Variants in ZDHHC11B observed in about 807,000 individuals in gnomAD.
ZDHHC11B encodes the protein probable palmitoyltransferase ZDHHC11B.
A neutral mutation model predicts 42.3 loss-of-function variants in ZDHHC11B; 17 were observed. The ratio of observed to expected loss-of-function variants is 0.40; its 90% CI spans 0.27 to 0.60. ZDHHC11B has a LOEUF of 0.60. Ranked by LOEUF, ZDHHC11B falls within the 20% of genes least tolerant of loss-of-function variation. The pLI, the probability that ZDHHC11B is intolerant of heterozygous loss-of-function variation, is 0.41. For missense variants in ZDHHC11B, 262 were observed against 463.2 expected, an observed-to-expected ratio of 0.57 and a Z score of 3.99; for synonymous variants, 123 against 193.5, an observed-to-expected ratio of 0.64 and a Z score of 3.02.
In ZDHHC11B at chr5:784,706, A is replaced by C. The variant is rs1417742409; in HGVS notation, c.-268T>G. 2.0e-4 allele frequency among the ~76,000 whole-genome samples: 30 copies of C among 147,782 alleles called. No individual in the cohort carries two copies. The East Asian group carries it at 3.4e-3, about 17-fold the overall frequency. On this transcript the variant is annotated 5_prime_UTR_variant, in exon 1 of 14. Transcript: ENST00000508859. ...CAACTGCAGCGGAGGCTCCCCCGCG[A>C]CCCGGCCGCGCGCGACCAAGTGCTC...
chr5:740,190 G>C (rs1232861418), intron 10 of ZDHHC11B, among the ~76,000 whole-genome samples: 3 of 125,462 alleles, frequency 2.4e-5, no homozygotes, highest in Non-Finnish European at 5.5e-5. Context: ...CATTGCTCGG[G>C]TGGTGGGTGC....
intron 4 of ZDHHC11B, among the ~76,000 whole-genome samples, chr5:765,637 T>C (rs1735190019): frequency 1.3e-5 from 2 of 151,870 alleles, no homozygotes; most frequent in Non-Finnish European, 2.9e-5. Context: ...AGTTTTGTTC[T>C]TTTGCTCTTT....
chr5:765,892 C>T (rs1342484372), intron 4 of ZDHHC11B, among the ~76,000 whole-genome samples: 1 of 151,964 alleles, frequency 6.6e-6, no homozygotes, highest in Non-Finnish European at 1.5e-5. Context: ...CAAGAACCCA[C>T]CAGTTCCGGA....
At chr5:765,294 T>A in intron 4 of ZDHHC11B, among the ~76,000 whole-genome samples, 1 of 151,574 alleles carries the variant, frequency 6.6e-6, no homozygotes, top group Non-Finnish European at 1.5e-5. Flanking sequence ...ACTCTGTATC[T>A]AGCTAATCTG....
chr5:783,770 A>C (rs1737038624), intron 1 of ZDHHC11B, among the ~76,000 whole-genome samples: 1 of 55,174 alleles, frequency 1.8e-5, no homozygotes, highest in Non-Finnish European at 3.7e-5. Flanking sequence ...ACCCATCAAA[A>C]CAGCAGCCCC....
intron 1 of ZDHHC11B, among the ~76,000 whole-genome samples, chr5:777,878 C>T (rs1170740893): frequency 6.6e-6 from 1 of 151,556 alleles, no homozygotes; most frequent in Admixed American, 6.6e-5. Context: ...CGGCGCCCTT[C>T]CGGGAGGCCC....
intron 10 of ZDHHC11B, among the ~76,000 whole-genome samples, chr5:737,822 A>G (rs546420727): frequency 1.3e-4 from 19 of 147,214 alleles, no homozygotes; most frequent in African/African-American, 4.0e-4. Flanking sequence ...AAAGCCCTCT[A>G]TGACAAACCC....
In ZDHHC11B at chr5:739,811, G is replaced by A. The variant is rs1418102965; in HGVS notation, c.935+1783C>T. Reference sequence around the variant, plus strand: ...AAGTTATCTTATGAAAAAGATACTTGCACCCACATGTTTATAGCAGCATAG... The same window carrying A: ...AAGTTATCTTATGAAAAAGATACTTACACCCACATGTTTATAGCAGCATAG... On this transcript the variant is annotated intron_variant, in intron 10 of 13. Transcript: ENST00000508859. Among the ~76,000 whole-genome samples the A allele has an allele frequency of 7.7e-5, 11 of 142,626 alleles. No individual in the cohort carries two copies. In the East Asian group the frequency reaches 1.5e-3, roughly 19 times the overall value. The allele number at this position is 142,626 out of a possible 152,430, so 93.6% of individuals were successfully genotyped here. A position where few individuals can be genotyped will look rare whatever the true frequency, so the allele number is the denominator to read the frequency against.
At position 783,883 on chromosome 5, in the gene ZDHHC11B, C is replaced by A. The variant is rs188223983; in HGVS notation, c.-230+785G>T. Among the ~76,000 whole-genome samples, 471 of 148,650 alleles carry A rather than the reference C, an allele frequency of 3.2e-3. 6 individuals are homozygous for A. Among genetic ancestry groups the A allele is most frequent in the African/African-American group, 8.4e-3 (338 of 40,238 alleles). On this transcript the variant is annotated intron_variant, in intron 1 of 13. Coordinates refer to ENST00000508859, the MANE Select transcript of ZDHHC11B (RefSeq NM_001351303.2). ...CCAAGCCCCATCAAGACAGCAGCCCCCCTAAACGCTTATCAAAACAGCAGC... is the reference window on the plus strand; with the variant it reads ...CCAAGCCCCATCAAGACAGCAGCCCACCTAAACGCTTATCAAAACAGCAGC...
At chr5:776,459 G>A (rs377001383) in intron 1 of ZDHHC11B, among the ~76,000 whole-genome samples, 1 of 151,892 alleles carries the variant, frequency 6.6e-6, no homozygotes, top group African/African-American at 2.4e-5. Flanking sequence ...AAGGGAGACC[G>A]GGTAGGCCCC....
chr5:739,421 C>CA (rs1429722524), intron 10 of ZDHHC11B, among the ~76,000 whole-genome samples: 13 of 150,758 alleles, frequency 8.6e-5, no homozygotes, highest in African/African-American at 2.9e-4. Context: ...AACAAACAAA[C>CA]AACAAAACCA....
At chr5:724,157 C>T (rs62332085) in intron 12 of ZDHHC11B, among the ~76,000 whole-genome samples, 162 of 145,032 alleles carry the variant, frequency 1.1e-3, no homozygotes, top group East Asian at 4.8e-3. Context: ...CTCAGTTCCC[C>T]TTGGACGTCT....
chr5:780,806 C>A (rs1736904129), intron 1 of ZDHHC11B, among the ~76,000 whole-genome samples: 1 of 151,992 alleles, frequency 6.6e-6, no homozygotes, highest in Non-Finnish European at 1.5e-5. Context: ...TCCTCAGGCA[C>A]TGAGAAGGCA....
At chr5:744,442 T>G (rs1246085438) in intron 9 of ZDHHC11B, among the ~76,000 whole-genome samples, 2 of 149,094 alleles carry the variant, frequency 1.3e-5, no homozygotes, top group African/African-American at 4.9e-5. Context: ...CCTGGGATTT[T>G]TCTTCACTGG....
intron 4 of ZDHHC11B, among the ~76,000 whole-genome samples, chr5:766,056 A>G (rs538864498): frequency 5.3e-5 from 8 of 151,958 alleles, no homozygotes; most frequent in African/African-American, 1.9e-4. Context: ...CAGTGACCCT[A>G]GGGGGCCTGG....
rs1745828032 is a variant in ZDHHC11B, at chr5:751,931, G to C, written c.504-674C>G. The stretch of plus-strand genomic sequence containing the variant: ...CACGAGTGGGGAAAGTGAGGTCAGA[G>C]ATGCGGTGCGACTCGCCCAAGCCTA... On this transcript the variant is annotated intron_variant, in intron 6 of 13. Transcript: ENST00000508859. Among the ~76,000 whole-genome samples the C allele has an allele frequency of 1.7e-5, 2 of 118,778 alleles. 1 individual carries two copies. The highest frequency in any genetic ancestry group is 7.8e-4 in the South Asian group (2 of 2,566). The allele number at this position is 118,778 out of a possible 152,430, so 77.9% of individuals were successfully genotyped here.
chr5:776,140 C>T (rs1340042738), intron 1 of ZDHHC11B, among the ~76,000 whole-genome samples: 1 of 150,956 alleles, frequency 6.6e-6, no homozygotes, highest in African/African-American at 2.4e-5. Flanking sequence ...TCAATCCTGC[C>T]CAGAGTCCCT....
intron 13 of ZDHHC11B, among the ~76,000 whole-genome samples, chr5:715,807 C>T (rs1362521972): frequency 6.6e-6 from 1 of 151,448 alleles, no homozygotes; most frequent in Admixed American, 6.6e-5. Context: ...CTCTAGGGTG[C>T]TGGTCAGGGC....
intron 10 of ZDHHC11B, among the ~76,000 whole-genome samples, chr5:734,259 A>G (rs1561129269): frequency 9.1e-6 from 1 of 109,702 alleles, no homozygotes; most frequent in Non-Finnish European, 1.8e-5. Context: ...GCATACCAGA[A>G]AAAACAAAAA....
Sources: gnomAD v4.1 joint callset for allele counts (sites outside exome capture counted in the v4.1 genomes callset) on GRCh38, gnomAD v4.1.1 for gene constraint, MANE v1.5 for transcripts, NCBI Gene and HGNC (gene_info 2026-07-23, HGNC 2026-07-21) for gene names.